OPCML: variants seen among roughly 807,000 people sequenced by gnomAD.
The protein encoded by OPCML is opioid-binding protein/cell adhesion molecule.
In OPCML, 13 loss-of-function variants were observed where a neutral mutation model predicts 37.8. The observed-to-expected ratio is 0.34, with a 90% CI of 0.22 to 0.55. The LOEUF (loss-of-function observed/expected upper bound fraction) is 0.55. OPCML is among the 20% of genes least tolerant of loss of function. The pLI, the probability that OPCML is intolerant of heterozygous loss-of-function variation, is 0.91. For missense variants in OPCML, 341 were observed against 435.6 expected (o/e 0.78, Z 1.93); for synonymous variants, 176 against 168.8 (o/e 1.04, Z -0.33).
At chr11:132,672,108 G>A (rs900961434) in intron 2 of OPCML, among the ~76,000 whole-genome samples, 2 of 152,072 alleles carry the variant, frequency 1.3e-5, no homozygotes, top group Admixed American at 1.3e-4. Flanking sequence ...CTTGCCATCA[G>A]TCCAGCTGGG....
At chr11:133,150,028 T>G (rs2116390) in intron 1 of OPCML, among the ~76,000 whole-genome samples, 69,654 of 152,112 alleles carry the variant, frequency 0.46, 18,484 homozygotes, top group African/African-American at 0.74. Flanking sequence ...CAGCATCCCT[T>G]GATTAACACT....
At chr11:132,982,966 G>T (rs1200535478) in intron 1 of OPCML, among the ~76,000 whole-genome samples, 1 of 152,164 alleles carries the variant, frequency 6.6e-6, no homozygotes, top group Non-Finnish European at 1.5e-5. Flanking sequence ...GTAATGTGCT[G>T]TGGCTTATTT....
rs1232452350 is a variant in OPCML, at chr11:133,405,051, A to C, written c.61+127213T>G. 2.6e-5 allele frequency among the ~76,000 whole-genome samples: 4 copies of C among 152,360 alleles called. No individual in the cohort carries two copies. The South Asian group carries it at 8.3e-4, about 32-fold the overall frequency. Reference sequence around the variant, plus strand: ...TCTTCCGTTTCTTTTGTATTCATTCAAAACAGGCTTTTACAGTTCTCCCTA... The same window carrying C: ...TCTTCCGTTTCTTTTGTATTCATTCCAAACAGGCTTTTACAGTTCTCCCTA... On this transcript the variant is annotated intron_variant, in intron 1 of 7. Transcript: ENST00000524381.
At chr11:133,282,225 T>G (rs1942178325) in intron 1 of OPCML, among the ~76,000 whole-genome samples, 1 of 152,072 alleles carries the variant, frequency 6.6e-6, no homozygotes, top group Non-Finnish European at 1.5e-5. Context: ...ACCCAGAGGC[T>G]TAGGAGAAAA....
intron 2 of OPCML, among the ~76,000 whole-genome samples, chr11:132,769,423 C>A (rs563364877): frequency 6.6e-6 from 1 of 151,970 alleles, no homozygotes; most frequent in Admixed American, 6.6e-5. Context: ...GTGACTGGAG[C>A]CTCAGTAAGG....
chr11:132,626,380 G>A (rs1332128407), intron 3 of OPCML, among the ~76,000 whole-genome samples: 3 of 151,494 alleles, frequency 2.0e-5, no homozygotes, highest in African/African-American at 7.3e-5. Context: ...GATAAAGCTG[G>A]ACAAAAAAGA....
intron 1 of OPCML, among the ~76,000 whole-genome samples, chr11:133,311,810 T>G (rs1257896338): frequency 6.6e-6 from 1 of 152,072 alleles, no homozygotes; most frequent in Non-Finnish European, 1.5e-5. Flanking sequence ...AAAGTAGACA[T>G]TCAGGCGTGG....
intron 1 of OPCML, among the ~76,000 whole-genome samples, chr11:133,391,120 C>A (rs1236411975): frequency 2.0e-5 from 3 of 152,144 alleles, no homozygotes; most frequent in Non-Finnish European, 4.4e-5. Context: ...GGTCAAGCTG[C>A]GGAATGAATG....
At chr11:132,671,286 T>C (rs534343330) in intron 2 of OPCML, among the ~76,000 whole-genome samples, 9 of 152,276 alleles carry the variant, frequency 5.9e-5, no homozygotes, top group South Asian at 2.1e-4. Context: ...TAGTGGCTTA[T>C]TTTATACAGA....
intron 1 of OPCML, among the ~76,000 whole-genome samples, chr11:133,461,517 A>T (rs776063051): frequency 6.6e-6 from 1 of 152,006 alleles, no homozygotes; most frequent in African/African-American, 2.4e-5. Context: ...AAAATACTTA[A>T]GAATAAACTT....
At chr11:132,681,650 G>A (rs1453709047) in intron 2 of OPCML, among the ~76,000 whole-genome samples, 1 of 152,072 alleles carries the variant, frequency 6.6e-6, no homozygotes, top group Non-Finnish European at 1.5e-5. Flanking sequence ...ACTCGGGTGT[G>A]GGTGCAAAAG....
intron 2 of OPCML, among the ~76,000 whole-genome samples, chr11:132,705,964 C>T (rs1193559918): frequency 6.6e-6 from 1 of 152,014 alleles, no homozygotes; most frequent in Non-Finnish European, 1.5e-5. Flanking sequence ...TGCACCACCA[C>T]GCCCAGCTAA....
intron 1 of OPCML, among the ~76,000 whole-genome samples, chr11:133,060,961 C>T (rs1948331220): frequency 6.6e-6 from 1 of 152,210 alleles, no homozygotes; most frequent in African/African-American, 2.4e-5. Context: ...AGTTGAATTT[C>T]CTTAAAGTGT....
intron 1 of OPCML, among the ~76,000 whole-genome samples, chr11:133,518,690 G>A (rs1948339119): frequency 1.4e-5 from 2 of 145,272 alleles, no homozygotes; most frequent in Non-Finnish European, 1.5e-5. Flanking sequence ...GTGTGGGGCT[G>A]TGGCGTGGGC....
At chr11:133,081,718 G>A (rs940546946) in intron 1 of OPCML, among the ~76,000 whole-genome samples, 3 of 152,092 alleles carry the variant, frequency 2.0e-5, no homozygotes, top group Admixed American at 6.5e-5. Flanking sequence ...GCTTTGTGGG[G>A]TACATCAATG....
intron 1 of OPCML, among the ~76,000 whole-genome samples, chr11:133,200,977 C>T (rs183892506): frequency 1.1e-3 from 169 of 152,272 alleles, no homozygotes; most frequent in African/African-American, 4.0e-3. Context: ...ATGTCGTTTG[C>T]AGAAACATGG....
intron 2 of OPCML, among the ~76,000 whole-genome samples, chr11:132,676,651 T>C (rs907003662): frequency 6.6e-6 from 1 of 151,620 alleles, no homozygotes; most frequent in African/African-American, 2.4e-5. Context: ...TTCTCAAAGA[T>C]ATATAAATGG....
intron 1 of OPCML, among the ~76,000 whole-genome samples, chr11:133,373,448 T>TATATATATATATATATATATATATAC (rs966091785): frequency 3.8e-5 from 5 of 132,170 alleles, no homozygotes; most frequent in East Asian, 2.1e-4. Flanking sequence ...TATATATATA[T>TATATATATATATATATATATATATAC]ACACACACAC....
chr11:133,269,915 C>T (rs913942666), intron 1 of OPCML, among the ~76,000 whole-genome samples: 2 of 152,114 alleles, frequency 1.3e-5, no homozygotes, highest in African/African-American at 4.8e-5. Context: ...AAAGAAAATG[C>T]TTCCAAGAGG....
Sources: gnomAD v4.1 joint callset for allele counts (sites outside exome capture counted in the v4.1 genomes callset) on GRCh38, gnomAD v4.1.1 for gene constraint, MANE v1.5 for transcripts, NCBI Gene and HGNC (gene_info 2026-07-23, HGNC 2026-07-21) for gene names.